Variants in COL23A1 observed in about 807,000 individuals in gnomAD.
COL23A1 encodes the protein collagen alpha-1(XXIII) chain.
Under a neutral mutation model 99.3 loss-of-function variants are expected in COL23A1, and 97 were observed. That is an observed-to-expected ratio of 0.98 (90% CI 0.83 to 1.16). The LOEUF is 1.16. COL23A1 is among the 50% of genes most tolerant of loss of function. COL23A1 has a pLI of 0.00. For synonymous variants in COL23A1, 320 were observed against 308.2 expected (o/e 1.04, Z -0.40); for missense variants, 762 against 757.4 (o/e 1.01, Z -0.07).
intron 2 of COL23A1, among the ~76,000 whole-genome samples, chr5:178,327,152 C>T (rs186595193): frequency 2.6e-3 from 395 of 152,324 alleles, no homozygotes; most frequent in Admixed American, 3.9e-3. Context: ...GTCTTTCTGA[C>T]CAGCCATCCA....
chr5:178,460,977 T>C (rs1253845957), intron 2 of COL23A1, among the ~76,000 whole-genome samples: 1 of 151,994 alleles, frequency 6.6e-6, no homozygotes, highest in Non-Finnish European at 1.5e-5. Flanking sequence ...AAGAAATAAA[T>C]AGCATAAACT....
intron 1 of COL23A1, among the ~76,000 whole-genome samples, chr5:178,584,616 G>A (rs1180301386): frequency 6.6e-6 from 1 of 152,188 alleles, no homozygotes; most frequent in Non-Finnish European, 1.5e-5. Flanking sequence ...GCTGCTCGGT[G>A]AGGGAAGGAG....
chr5:178,490,814 T>C (rs987676331), intron 2 of COL23A1, among the ~76,000 whole-genome samples: 1 of 152,174 alleles, frequency 6.6e-6, no homozygotes, highest in Admixed American at 6.6e-5. Flanking sequence ...TTTTATGTTA[T>C]GTATGTTTTA....
At chr5:178,527,050 G>C (rs1220564141) in intron 2 of COL23A1, among the ~76,000 whole-genome samples, 1 of 152,234 alleles carries the variant, frequency 6.6e-6, no homozygotes, top group East Asian at 1.9e-4. Context: ...CGGAAGCCAA[G>C]CCACATCTTG....
At chr5:178,407,544 G>A (rs545488027) in intron 2 of COL23A1, among the ~76,000 whole-genome samples, 152 of 152,176 alleles carry the variant, frequency 1.0e-3, no homozygotes, top group African/African-American at 3.5e-3. Context: ...GCACAGACTC[G>A]AAAACAGCCA....
intron 5 of COL23A1, among the ~76,000 whole-genome samples, chr5:178,271,760 C>T (rs77830815): frequency 4.5e-4 from 68 of 152,278 alleles, no homozygotes; most frequent in African/African-American, 1.6e-3. Flanking sequence ...GCCGGCAGGG[C>T]GCATTGTGGC....
chr5:178,470,911 T>G (rs2127931723), intron 2 of COL23A1, among the ~76,000 whole-genome samples: 1 of 152,352 alleles, frequency 6.6e-6, no homozygotes, highest in Non-Finnish European at 1.5e-5. Context: ...CCCCAGAGTG[T>G]GCACTTTTGT....
At chr5:178,358,306 ATGTG>A (rs144233519) in intron 2 of COL23A1, among the ~76,000 whole-genome samples, 28 of 134,772 alleles carry the variant, frequency 2.1e-4, no homozygotes, top group East Asian at 7.5e-4. Flanking sequence ...GTATGTATGT[ATGTG>A]TGTGTATGTG....
chr5:178,501,507 G>A (rs549326031), intron 2 of COL23A1, among the ~76,000 whole-genome samples: 41 of 152,072 alleles, frequency 2.7e-4, no homozygotes, highest in Admixed American at 1.1e-3. Context: ...CTTAGAGCCC[G>A]GGAGGTTGCA....
rs1383688905 is a variant in COL23A1 at position 178,269,260 on chromosome 5, G to C, written c.469-504C>G. On this transcript the variant is annotated intron_variant, in intron 6 of 28. Transcript: ENST00000390654. ...AATGGTAGCAGCTCCTTGGAGTATG[G>C]GTTCCATCTGTCCATCCCTGTATGA... 2.0e-5 allele frequency among the ~76,000 whole-genome samples: 3 copies of C among 151,248 alleles called. No homozygotes were observed. The East Asian group carries it at 5.8e-4, about 29-fold the overall frequency.
intron 2 of COL23A1, among the ~76,000 whole-genome samples, chr5:178,312,214 CCTGT>C (rs1718732927): frequency 6.6e-6 from 1 of 152,162 alleles, no homozygotes; most frequent in Non-Finnish European, 1.5e-5. Context: ...CTAATCACTG[CCTGT>C]CTGTGAACCT....
In COL23A1 at chr5:178,557,835, G is replaced by A. The variant is rs558841236; in HGVS notation, c.361+2847C>T. Among the ~76,000 whole-genome samples, 35 of 152,238 alleles carry A rather than the reference G, an allele frequency of 2.3e-4. No individual in the cohort carries two copies. In the South Asian group the frequency reaches 5.0e-3, roughly 22 times the overall value. ...TTGTAAGACAAGGGGCTCATGGGCC[G>A]GCCTGCTGGGGTTTAGTGTTGATGA... On this transcript the variant is annotated intron_variant, in intron 2 of 28. Coordinates refer to ENST00000390654, the MANE Select transcript of COL23A1 (RefSeq NM_173465.4).
At chr5:178,562,733 T>TGGGGGGGGGGGGGGGG (rs879632255) in intron 1 of COL23A1, 14 of 97,666 alleles carry the variant, frequency 1.4e-4, no homozygotes, top group African/African-American at 8.9e-4. Context: ...CGCTGGCTGG[T>TGGGGGGGGGGGGGGGG]GGTGGGGGGG....
At chr5:178,574,209 G>A (rs1330383429) in intron 1 of COL23A1, among the ~76,000 whole-genome samples, 3 of 152,114 alleles carry the variant, frequency 2.0e-5, no homozygotes, top group Non-Finnish European at 2.9e-5. Context: ...CTGAGCTATT[G>A]GTGATAGAAA....
chr5:178,547,564 C>T (rs1235533298), intron 2 of COL23A1, among the ~76,000 whole-genome samples: 1 of 88,546 alleles, frequency 1.1e-5, no homozygotes, highest in Non-Finnish European at 2.3e-5. Flanking sequence ...CATACACACC[C>T]CCACACACAC....
intron 2 of COL23A1, among the ~76,000 whole-genome samples, chr5:178,541,411 A>G (rs1761278515): frequency 6.6e-6 from 1 of 152,146 alleles, no homozygotes; most frequent in Non-Finnish European, 1.5e-5. Context: ...GACATGGTGA[A>G]ACCCCGTCTC....
At chr5:178,519,776 TTGAA>T (rs572453366) in intron 2 of COL23A1, among the ~76,000 whole-genome samples, 171 of 152,238 alleles carry the variant, frequency 1.1e-3, no homozygotes, top group African/African-American at 3.9e-3. Context: ...TGGTTATTGG[TTGAA>T]TGAATGAATG....
At chr5:178,292,667 G>T (rs904247978) in intron 3 of COL23A1, among the ~76,000 whole-genome samples, 1 of 152,156 alleles carries the variant, frequency 6.6e-6, no homozygotes, top group African/African-American at 2.4e-5. Context: ...GCTCACAGCT[G>T]GTGGTGGCAG....
chr5:178,585,373 T>C (rs550111959), intron 1 of COL23A1, among the ~76,000 whole-genome samples: 1,958 of 145,288 alleles, frequency 0.013, 32 homozygotes, highest in Non-Finnish European at 0.015. Flanking sequence ...CCCAGCTGAC[T>C]CTAGGGTAAC....
Sources: allele counts gnomAD v4.1 joint callset (sites outside exome capture counted in the v4.1 genomes callset), GRCh38; gene constraint gnomAD v4.1.1; transcripts MANE v1.5; gene names NCBI Gene and HGNC (gene_info 2026-07-23, HGNC 2026-07-21).